Variants in PLCE1 observed in about 807,000 individuals in gnomAD.
PLCE1 encodes the protein phospholipase C epsilon 1, also known as 1-phosphatidylinositol 4,5-bisphosphate phosphodiesterase epsilon-1.
Under a neutral mutation model 242.8 loss-of-function variants are expected in PLCE1, and 119 were observed. The observed-to-expected ratio is 0.49, with a 90% CI of 0.42 to 0.57. The LOEUF is 0.57. Among genes scored for constraint, PLCE1 ranks in the 20% least tolerant of loss-of-function variants. The pLI is 0.00. For missense variants in PLCE1, 2,441 were observed against 2,788.8 expected (o/e 0.88, Z 2.81); for synonymous variants, 945 against 1,017.4 (o/e 0.93, Z 1.35).
chr10:94,038,049 G>A (rs771065438), intron 2 of PLCE1, among the ~76,000 whole-genome samples: 1 of 152,136 alleles, frequency 6.6e-6, no homozygotes, highest in Non-Finnish European at 1.5e-5. Flanking sequence ...AGTGGGCAAG[G>A]ATAAAACCAT....
chr10:94,309,225 T>C (rs111704425), intron 27 of PLCE1, among the ~76,000 whole-genome samples: 12 of 152,308 alleles, frequency 7.9e-5, no homozygotes, highest in African/African-American at 2.6e-4. Context: ...TGGCGATGCA[T>C]AACTTGCACC....
At position 94,284,865 on chromosome 10, in the gene PLCE1, G is replaced by A. The variant is rs369632735; in HGVS notation, c.4935G>A (p.Leu1645=). ...CTTACCAGGTTTATGATATGGAACT[G>A]GGAGAAGAATTTTATCTTGATCAGA... ...CNKGKVYDME[L]GEEFYLDQNK... Residue 1645 remains leucine, a synonymous_variant, in exon 22 of 33, where the codon CTG becomes CTA. Coordinates refer to ENST00000371380, the MANE Select transcript of PLCE1 (RefSeq NM_016341.4). The A allele has an allele frequency of 1.0e-3, 1,639 of 1,598,358 alleles. 4 individuals are homozygous for A. Among genetic ancestry groups the A allele is most frequent in the Non-Finnish European group, 1.3e-3 (1,483 of 1,165,804 alleles).
chr10:94,167,316 C>T (rs1053541079), intron 3 of PLCE1, among the ~76,000 whole-genome samples: 2 of 152,088 alleles, frequency 1.3e-5, no homozygotes, highest in Admixed American at 6.5e-5. Context: ...ACCTTTCCCA[C>T]CTACATCCAG....
At chr10:94,153,489 C>A (rs2136134393) in intron 3 of PLCE1, among the ~76,000 whole-genome samples, 1 of 152,076 alleles carries the variant, frequency 6.6e-6, no homozygotes, top group East Asian at 1.9e-4. Context: ...AGACTAAAAA[C>A]TTTCCGCCTA....
chr10:94,306,541 C>G lies in PLCE1; in HGVS notation c.5737C>G (p.Arg1913Gly). Reference sequence around the variant, plus strand: ...CCATTTCCGCACAAAGCCCATCCATCGAAACACCCTGAACCCCATGTGGAA... The same window carrying G: ...CCATTTCCGCACAAAGCCCATCCATGGAAACACCCTGAACCCCATGTGGAA... ...SCHFRTKPIH[R>G]NTLNPMWNEQ... Residue 1913 changes from arginine (R) to glycine (G), a missense_variant, in exon 26 of 33, where the codon CGA (arginine) becomes GGA (glycine). This residue lies in a region of PLCE1 where 1,004 missense variants were observed against 1,322.7 expected (regional missense o/e 0.76). Coordinates refer to ENST00000371380, the MANE Select transcript of PLCE1 (RefSeq NM_016341.4). The surrounding 1 kb of genome is among the most constrained non-coding windows in gnomAD (Gnocchi z 5.7). The G allele has an allele frequency of 5.6e-6, 9 of 1,614,172 alleles. No individual in the cohort carries two copies. Among genetic ancestry groups the G allele is most frequent in the Non-Finnish European group, 7.6e-6 (9 of 1,180,014 alleles).
Position 94,304,421 on chromosome 10 carries a change from G to T in PLCE1, c.5459-61G>T, listed in dbSNP as rs2053136202. On this transcript the variant is annotated intron_variant, in intron 24 of 32. Coordinates refer to ENST00000371380, the MANE Select transcript of PLCE1 (RefSeq NM_016341.4). ...GTTCTTTTGAACTTTCAATTTATAA[G>T]GTGATACTTAAGCGACAAAGTAACA... The T allele has an allele frequency of 2.6e-5, 37 of 1,439,800 alleles. No individual in the cohort carries two copies. The South Asian group carries it at 4.2e-4, about 16-fold the overall frequency. The allele number at this position is 1,439,800 out of a possible 1,614,324, so 89.2% of individuals were successfully genotyped here. A position where few individuals can be genotyped will look rare whatever the true frequency, so the allele number is the denominator to read the frequency against.
At chr10:94,236,198 T>C in intron 7 of PLCE1, 78 bp downstream of exon 7, 1 of 1,200,916 alleles carries the variant, frequency 8.3e-7, no homozygotes, top group South Asian at 1.3e-5. Context: ...TACTTCAGCT[T>C]AGTTTCAGAT....
chr10:94,008,500 C>A (rs181165312), intron 1 of PLCE1, among the ~76,000 whole-genome samples: 4 of 152,002 alleles, frequency 2.6e-5, no homozygotes, highest in Non-Finnish European at 5.9e-5. Flanking sequence ...ATAAAGACAG[C>A]GTTTCACTAC....
At chr10:94,010,173 C>T (rs2061141343) in intron 1 of PLCE1, among the ~76,000 whole-genome samples, 1 of 152,204 alleles carries the variant, frequency 6.6e-6, no homozygotes. Context: ...CTTAACACCG[C>T]ATGGAAGCCA....
At chr10:94,106,943 T>TCTCTCTCTCC (rs1222191133) in intron 2 of PLCE1, 6 of 122,484 alleles carry the variant, frequency 4.9e-5, no homozygotes, top group Admixed American at 1.7e-4. Flanking sequence ...TCTCTCTCTC[T>TCTCTCTCTCC]CCCCCTCCCC....
chr10:94,025,769 A>G (rs2061444074), intron 1 of PLCE1, among the ~76,000 whole-genome samples: 1 of 152,142 alleles, frequency 6.6e-6, no homozygotes, highest in African/African-American at 2.4e-5. Flanking sequence ...AGATGAGCCC[A>G]TTTCCTCATC....
At chr10:94,212,076 A>C (rs1360623102) in intron 4 of PLCE1, among the ~76,000 whole-genome samples, 3 of 152,114 alleles carry the variant, frequency 2.0e-5, no homozygotes, top group African/African-American at 7.2e-5. Context: ...CTGCCCCTAA[A>C]AACCTTTTGT....
chr10:94,166,918 G>A (rs1271420965), intron 3 of PLCE1, among the ~76,000 whole-genome samples: 2 of 152,142 alleles, frequency 1.3e-5, no homozygotes, highest in Non-Finnish European at 2.9e-5. Flanking sequence ...TTATGACCAA[G>A]CTACGGGCAC....
chr10:94,085,658 G>T (rs1318708013), intron 2 of PLCE1, among the ~76,000 whole-genome samples: 4 of 152,194 alleles, frequency 2.6e-5, no homozygotes, highest in Non-Finnish European at 4.4e-5. Context: ...ACTAAAGGGG[G>T]AACTAGTCAG....
At chr10:94,009,516 A>G (rs1564621958) in intron 1 of PLCE1, among the ~76,000 whole-genome samples, 1 of 152,158 alleles carries the variant, frequency 6.6e-6, no homozygotes, top group South Asian at 2.1e-4. Flanking sequence ...TCCCTTCCCA[A>G]TAGTCCTTAA....
intron 7 of PLCE1, among the ~76,000 whole-genome samples, chr10:94,237,385 T>C (rs1311200497): frequency 6.6e-6 from 1 of 152,186 alleles, no homozygotes; most frequent in Non-Finnish European, 1.5e-5. Context: ...ATCCTTTCCT[T>C]TCCCTCGAAG....
At position 94,047,970 on chromosome 10, in the gene PLCE1, C is replaced by CA. The variant is rs201554873; in HGVS notation, c.1206+15726dup. Among the ~76,000 whole-genome samples the CA allele has an allele frequency of 6.6e-3, 1,002 of 151,868 alleles. 14 individuals are homozygous for CA. Among genetic ancestry groups the CA allele is most frequent in the African/African-American group, 0.023 (956 of 41,458 alleles). ...TGGTGATTACTATGTGAATTCATGTCAAAAAAAACTTCAGATTTTAAATTT... is the reference window on the plus strand; with the variant it reads ...TGGTGATTACTATGTGAATTCATGTCAAAAAAAAACTTCAGATTTTAAATTT... On this transcript the variant is annotated intron_variant, in intron 2 of 32. Transcript: ENST00000371380.
At chr10:94,094,162 C>G (rs2045207531) in intron 2 of PLCE1, among the ~76,000 whole-genome samples, 1 of 148,338 alleles carries the variant, frequency 6.7e-6, no homozygotes, top group Admixed American at 6.6e-5. Flanking sequence ...GGGATGGTCT[C>G]GATCTCCTGA....
At chr10:94,208,534 GCT>G (rs773997057) in intron 4 of PLCE1, among the ~76,000 whole-genome samples, 1 of 152,160 alleles carries the variant, frequency 6.6e-6, no homozygotes, top group Non-Finnish European at 1.5e-5. Flanking sequence ...AGAATCTTCT[GCT>G]CCTACCCCCA....
Sources: gnomAD v4.1 joint callset for allele counts (sites outside exome capture counted in the v4.1 genomes callset) on GRCh38, gnomAD v4.1.1 for gene constraint, gnomAD v4.1.1 regional missense constraint, Gnocchi (gnomAD v3.1) non-coding constraint, MANE v1.5 for transcripts, NCBI Gene and HGNC (gene_info 2026-07-23, HGNC 2026-07-21) for gene names.